SLC23A3: variants seen among roughly 807,000 people sequenced by gnomAD.
SLC23A3 encodes the protein solute carrier family 23 member 3, also known as E2-binding protein 3.
In SLC23A3, 41 loss-of-function variants were observed where a neutral mutation model predicts 64.7. The ratio of observed to expected loss-of-function variants is 0.63; its 90% confidence interval spans 0.49 to 0.82. The LOEUF (loss-of-function observed/expected upper bound fraction) is 0.82. Among genes scored for constraint, SLC23A3 ranks in the 40% least tolerant of loss-of-function variants. The pLI is 0.00. For missense variants in SLC23A3, 647 were observed against 733.4 expected, an observed-to-expected ratio of 0.88 and a Z score of 1.36; for synonymous variants, 281 against 306.8, an observed-to-expected ratio of 0.92 and a Z score of 0.88.
chr2:219,162,120 T>C lies in SLC23A3; in HGVS notation c.1622A>G (p.Glu541Gly), dbSNP rs1226533733. ...AAGTCTGTACACTTGAGCAGCCTTC[T>C]CCCTGGGCTTCTGAGGCATTCGAGC... Reference protein sequence around the residue: ...QEARMPQKPREKAAQVYRLPF... With the variant: ...QEARMPQKPRGKAAQVYRLPF... The change falls in exon 12 of 12, where the codon GAG (glutamate) becomes GGG (glycine). Residue 541 changes from glutamate (E) to glycine (G), a missense_variant. Coordinates refer to ENST00000409878, the MANE Select transcript of SLC23A3 (RefSeq NM_001144889.2). 9.9e-6 allele frequency: 16 copies of C among 1,614,152 alleles called. No individual in the cohort carries two copies. The highest frequency in any genetic ancestry group is 1.3e-5 in the Non-Finnish European group (15 of 1,180,018).
intron 8 of SLC23A3, 80 bp downstream of exon 8, chr2:219,165,089 C>T: frequency 6.7e-7 from 1 of 1,491,010 alleles, no homozygotes; most frequent in Non-Finnish European, 9.0e-7. Context: ...GCACACCTGG[C>T]AATCAATCGG....
chr2:219,167,820 GT>G, intron 7 of SLC23A3, 109 bp downstream of exon 7: 1 of 869,988 alleles, frequency 1.1e-6, no homozygotes, highest in Non-Finnish European at 1.8e-6. Flanking sequence ...TCTCCTATAT[GT>G]TTTCAAAAAA....
chr2:219,164,085 C>G, intron 9 of SLC23A3, 148 bp downstream of exon 9: 1 of 623,872 alleles, frequency 1.6e-6, no homozygotes, highest in Non-Finnish European at 2.9e-6. Context: ...TTGAGGCTGA[C>G]ACATGCTCAT....
In SLC23A3 at chr2:219,169,225, T is replaced by C. The variant is rs1362503541; in HGVS notation, c.418+84A>G. The C allele has an allele frequency of 6.2e-7, 1 of 1,612,148 alleles. No homozygotes were observed. The highest frequency in any genetic ancestry group is 1.3e-5 in the African/African-American group (1 of 74,872). On this transcript the variant is annotated intron_variant, in intron 3 of 11. Transcript: ENST00000409878. The surrounding 1 kb of genome is among the most constrained non-coding windows in gnomAD (Gnocchi z 4.5). ...GTGTCACAGTCTCACCACTGCCCAA[T>C]CTCAATTCTGCACCCACCTACACCT...
In SLC23A3 at chr2:219,170,025, G is replaced by C; in HGVS notation, c.-41C>G. ...GCTTTGTCTTGGCTGCCCGGGACCAGAGTTAAGTAGAGAGAGTAAGAGGTC... is the reference window on the plus strand; with the variant it reads ...GCTTTGTCTTGGCTGCCCGGGACCACAGTTAAGTAGAGAGAGTAAGAGGTC... On this transcript the variant is annotated 5_prime_UTR_variant, in exon 1 of 12. Transcript: ENST00000409878. 1 of 1,602,260 alleles carries C rather than the reference G, an allele frequency of 6.2e-7. No homozygotes were observed. Among genetic ancestry groups the C allele is most frequent in the Non-Finnish European group, 8.5e-7 (1 of 1,175,328 alleles).
intron 10 of SLC23A3, 30 bp downstream of exon 10, chr2:219,163,358 A>G (rs1447824334): frequency 1.2e-6 from 2 of 1,603,816 alleles, no homozygotes; most frequent in South Asian, 2.2e-5. Flanking sequence ...CTTTCCTGCT[A>G]CTGAGCAACG....
At chr2:219,167,411 G>A (rs533197959) in intron 7 of SLC23A3, among the ~76,000 whole-genome samples, 1 of 152,258 alleles carries the variant, frequency 6.6e-6, no homozygotes, top group South Asian at 2.1e-4. Flanking sequence ...TTGGTAGTGA[G>A]TATCGGGGGT....
chr2:219,162,079 T>C lies in SLC23A3; in HGVS notation c.1663A>G (p.Asn555Asp), dbSNP rs1172220907. 3 of 1,613,952 alleles carry C rather than the reference T, an allele frequency of 1.9e-6. No individual in the cohort carries two copies. The East Asian group carries it at 6.7e-5, about 36-fold the overall frequency. ...GGCTGGGGGATGCAGGGACAGAGGT[T>C]TTGGATGGGGAAAGGAAGTCTGTAC... Reference protein sequence around the residue: ...QVYRLPFPIQNLCPCIPQPLH... With the variant: ...QVYRLPFPIQDLCPCIPQPLH... Residue 555 changes from asparagine (N) to aspartate (D), a missense_variant, in exon 12 of 12, where the codon AAC becomes GAC. Asn to Asp is a conservative substitution (Grantham distance 23, BLOSUM62 1). Transcript: ENST00000409878.
At chr2:219,167,904 G>A (rs768582373) in intron 7 of SLC23A3, 26 bp downstream of exon 7, 2 of 1,493,994 alleles carry the variant, frequency 1.3e-6, no homozygotes, top group East Asian at 2.3e-5. Flanking sequence ...TTGAACAAGA[G>A]AATGGAGGAC....
chr2:219,167,157 G>T (rs2106378451), intron 7 of SLC23A3, among the ~76,000 whole-genome samples: 1 of 152,328 alleles, frequency 6.6e-6, no homozygotes, highest in Middle Eastern at 3.4e-3. Flanking sequence ...TACTTGTGGG[G>T]CTGAGGCACA....
At chr2:219,162,775 G>T (rs1264327900) in intron 10 of SLC23A3, among the ~76,000 whole-genome samples, 1 of 152,116 alleles carries the variant, frequency 6.6e-6, no homozygotes, top group Non-Finnish European at 1.5e-5. Context: ...CTTTGTTGGG[G>T]GTGGTGGTGC....
rs773295365 is a variant in SLC23A3 at position 219,165,165 on chromosome 2, G to A, written c.1167+4C>T. Reference sequence around the variant, plus strand: ...TACCCCACTCCCATCCCAGGTCCACGTACCTGGATAAGACCCACTTTGCCC... The same window carrying A: ...TACCCCACTCCCATCCCAGGTCCACATACCTGGATAAGACCCACTTTGCCC... On this transcript the variant is annotated splice_donor_region_variant and intron_variant, in intron 8 of 11. Coordinates refer to ENST00000409878, the MANE Select transcript of SLC23A3 (RefSeq NM_001144889.2). The A allele has an allele frequency of 4.4e-5, 69 of 1,551,522 alleles. 1 individual carries two copies. In the African/African-American group the frequency reaches 5.7e-4, roughly 13 times the overall value.
rs777135657 is a variant in SLC23A3 at position 219,169,544 on chromosome 2, G to T, written c.297C>A (p.Ile99=). The part of the protein sequence containing the change: ...SSFFSCGMST[I]LQTWMGSRLP... ...ACCTGCTGCCCATCCAAGTTTGCAG[G>T]ATGGTAGACATACCACATGAAAAGA... Residue 99 remains isoleucine, a synonymous_variant, in exon 2 of 12, where the codon ATC becomes ATA. Coordinates refer to ENST00000409878, the MANE Select transcript of SLC23A3 (RefSeq NM_001144889.2). The surrounding 1 kb of genome is among the most constrained non-coding windows in gnomAD (Gnocchi z 4.5). 1 of 1,614,184 alleles carries T rather than the reference G, an allele frequency of 6.2e-7. No individual in the cohort carries two copies. Among genetic ancestry groups the T allele is most frequent in the Non-Finnish European group, 8.5e-7 (1 of 1,180,046 alleles).
In SLC23A3 at chr2:219,164,335, C is replaced by T; in HGVS notation, c.1171G>A (p.Gly391Arg). Residue 391 changes from glycine (G) to arginine (R), a missense_variant, in exon 9 of 12, where the codon GGA (glycine) becomes AGA (arginine). Coordinates refer to ENST00000409878, the MANE Select transcript of SLC23A3 (RefSeq NM_001144889.2). Reference protein sequence around the residue: ...NVGKVGLIQAGSQQVAHLVGL... With the variant: ...NVGKVGLIQARSQQVAHLVGL... ...ACTAAGTGAGCCACTTGCTGAGATCCAGCCTGCATGAAGAAAAGACACTGG... is the reference window on the plus strand; with the variant it reads ...ACTAAGTGAGCCACTTGCTGAGATCTAGCCTGCATGAAGAAAAGACACTGG... The T allele has an allele frequency of 6.3e-7, 1 of 1,590,236 alleles. No individual in the cohort carries two copies. Among genetic ancestry groups the T allele is most frequent in the South Asian group, 1.1e-5 (1 of 87,344 alleles).
rs1263510368 is a variant in SLC23A3 at position 219,169,905 on chromosome 2, G to A, written c.80C>T (p.Ala27Val). 1 of 1,613,736 alleles carries A rather than the reference G, an allele frequency of 6.2e-7. No homozygotes were observed. The highest frequency in any genetic ancestry group is 1.1e-5 in the South Asian group (1 of 91,068). The part of the protein sequence containing the change: ...QDALAPLPPP[A>V]PQNPSTHSWD... ...AGAGTGGGTGGAGGGATTCTGGGGA[G>A]CAGGTGGAGGCAAGGGGGCCAGGGC... Residue 27 changes from alanine (A) to valine (V), a missense_variant, in exon 1 of 12, where the codon GCT (alanine) becomes GTT (valine). Coordinates refer to ENST00000409878, the MANE Select transcript of SLC23A3 (RefSeq NM_001144889.2). The surrounding 1 kb of genome is among the most constrained non-coding windows in gnomAD (Gnocchi z 4.5).
At position 219,164,323 on chromosome 2, in the gene SLC23A3, C is replaced by T. The variant is rs749715542; in HGVS notation, c.1183G>A (p.Val395Met). The change falls in exon 9 of 12, where the codon GTG becomes ATG. Residue 395 changes from valine to methionine, a missense_variant. Physicochemically the swap from Val to Met is conservative, Grantham distance 21. Transcript: ENST00000409878. ...VGLIQAGSQQ[V>M]AHLVGLLCVG... Reference sequence around the variant, plus strand: ...CAGAGTAGCCCCACTAAGTGAGCCACTTGCTGAGATCCAGCCTGCATGAAG... The same window carrying T: ...CAGAGTAGCCCCACTAAGTGAGCCATTTGCTGAGATCCAGCCTGCATGAAG... 2 of 1,600,694 alleles carry T rather than the reference C, an allele frequency of 1.2e-6. No individual in the cohort carries two copies. Among genetic ancestry groups the T allele is most frequent in the South Asian group, 2.3e-5 (2 of 88,432 alleles).
chr2:219,169,284 C>A lies in SLC23A3; in HGVS notation c.418+25G>T, dbSNP rs761449281. 15 of 1,614,010 alleles carry A rather than the reference C, an allele frequency of 9.3e-6. No individual in the cohort carries two copies. The highest frequency in any genetic ancestry group is 1.7e-4 in the Middle Eastern group (1 of 6,018). On this transcript the variant is annotated intron_variant, in intron 3 of 11. Coordinates refer to ENST00000409878, the MANE Select transcript of SLC23A3 (RefSeq NM_001144889.2). The surrounding 1 kb of genome is among the most constrained non-coding windows in gnomAD (Gnocchi z 4.5). ...AGATGAGAACCCAGCCCCACCCTTA[C>A]CCCTTGCCCTTGCTCTGTGCTCACA...
chr2:219,165,174 T>A lies in SLC23A3; in HGVS notation c.1162A>T (p.Ile388Phe), dbSNP rs1420758236. Residue 388 changes from isoleucine to phenylalanine, a missense_variant, in exon 8 of 12, where the codon ATC (isoleucine) becomes TTC (phenylalanine). Transcript: ENST00000409878. ...CCCATCCCAGGTCCACGTACCTGGA[T>A]AAGACCCACTTTGCCCACGTTGGGG... ...SFPNVGKVGL[I>F]QAGSQQVAHL... 1.9e-6 allele frequency: 3 copies of A among 1,551,874 alleles called. No individual in the cohort carries two copies.
rs1365236855 is a variant in SLC23A3 at position 219,161,492 on chromosome 2, T to G, written c.*417A>C. The G allele has an allele frequency of 6.4e-6, 1 of 155,542 alleles. No homozygotes were observed. The highest frequency in any genetic ancestry group is 1.4e-5 in the Non-Finnish European group (1 of 70,484). 9.6% of individuals were successfully genotyped at this position (155,542 alleles called of 1,614,324 possible). A position where few individuals can be genotyped will look rare whatever the true frequency, so the allele number is the denominator to read the frequency against. On this transcript the variant is annotated 3_prime_UTR_variant, in exon 12 of 12. Coordinates refer to ENST00000409878, the MANE Select transcript of SLC23A3 (RefSeq NM_001144889.2). ...TGCTCCCACGGCATTATTTTAATCTTTATTACAGACTGCTTTCTGCTTTGC... is the reference window on the plus strand; with the variant it reads ...TGCTCCCACGGCATTATTTTAATCTGTATTACAGACTGCTTTCTGCTTTGC...
Sources: gnomAD v4.1 joint callset for allele counts (sites outside exome capture counted in the v4.1 genomes callset) on GRCh38, gnomAD v4.1.1 for gene constraint, Gnocchi (gnomAD v3.1) non-coding constraint, MANE v1.5 for transcripts, NCBI Gene and HGNC (gene_info 2026-07-23, HGNC 2026-07-21) for gene names.